CPQ: variants seen among roughly 807,000 people sequenced by gnomAD.
The protein encoded by CPQ is Ser-Met dipeptidase.
Under a neutral mutation model 45.7 loss-of-function variants are expected in CPQ, and 37 were observed. The observed-to-expected ratio is 0.81, with a 90% CI of 0.62 to 1.07. The LOEUF (loss-of-function observed/expected upper bound fraction) is 1.07, where lower values mean the gene tolerates loss of function less well. Among genes scored for constraint, CPQ ranks in the 50% least tolerant of loss-of-function variants. The pLI is 0.00. For missense variants in CPQ, 537 were observed against 572.9 expected, an observed-to-expected ratio of 0.94 and a Z score of 0.64; for synonymous variants, 186 against 205.8, an observed-to-expected ratio of 0.90 and a Z score of 0.82.
chr8:96,762,329 C>T (rs4604403), intron 1 of CPQ, among the ~76,000 whole-genome samples: 95,530 of 151,936 alleles, frequency 0.63, 30,588 homozygotes, highest in East Asian at 0.88. Context: ...GAAGTTATGA[C>T]ATGGACCACC....
chr8:97,020,950 G>C (rs1809668511), intron 5 of CPQ, among the ~76,000 whole-genome samples: 1 of 152,120 alleles, frequency 6.6e-6, no homozygotes, highest in Admixed American at 6.6e-5. Flanking sequence ...TATCCCTGGT[G>C]AATATAGATG....
chr8:96,962,853 A>G (rs1243155521), intron 4 of CPQ, among the ~76,000 whole-genome samples: 1 of 152,174 alleles, frequency 6.6e-6, no homozygotes, highest in Non-Finnish European at 1.5e-5. Flanking sequence ...TTTTAAATCA[A>G]TAGATATTAA....
intron 1 of CPQ, among the ~76,000 whole-genome samples, chr8:96,681,352 C>G (rs899900979): frequency 6.6e-6 from 1 of 152,172 alleles, no homozygotes; most frequent in Non-Finnish European, 1.5e-5. Flanking sequence ...TTCAGCAGCT[C>G]CAGCCATGGC....
intron 5 of CPQ, among the ~76,000 whole-genome samples, chr8:96,998,520 TAGAGA>T (rs1170899176): frequency 3.9e-5 from 6 of 151,940 alleles, no homozygotes; most frequent in Non-Finnish European, 8.8e-5. Context: ...TGGGAGAAAA[TAGAGA>T]AAATTGCTGA....
intron 3 of CPQ, among the ~76,000 whole-genome samples, chr8:96,848,807 TGTCTA>T (rs1321109362): frequency 1.3e-5 from 2 of 152,214 alleles, no homozygotes; most frequent in Non-Finnish European, 2.9e-5. Context: ...TTTAGTTTGC[TGTCTA>T]GATCCTCGTT....
intron 2 of CPQ, among the ~76,000 whole-genome samples, chr8:96,826,604 G>T (rs1224435392): frequency 6.6e-6 from 1 of 151,904 alleles, no homozygotes; most frequent in Admixed American, 6.6e-5. Flanking sequence ...TGAGGGCAAT[G>T]ATCTCTCTTT....
At chr8:96,846,980 G>A (rs931252594) in intron 3 of CPQ, among the ~76,000 whole-genome samples, 1 of 152,120 alleles carries the variant, frequency 6.6e-6, no homozygotes, top group Admixed American at 6.5e-5. Flanking sequence ...CTCTCAGTTT[G>A]GAGTTGTTCC....
chr8:97,002,641 G>A (rs951589246), intron 5 of CPQ, among the ~76,000 whole-genome samples: 10 of 151,930 alleles, frequency 6.6e-5, no homozygotes, highest in Non-Finnish European at 8.8e-5. Context: ...TAATATTTCC[G>A]TTCTTTTACA....
chr8:96,726,590 A>G lies in CPQ; in HGVS notation c.-34-58274A>G, dbSNP rs34721004. 4.1e-3 allele frequency among the ~76,000 whole-genome samples: 629 copies of G among 152,222 alleles called. 2 individuals carry two copies. Among genetic ancestry groups the G allele is most frequent in the Non-Finnish European group, 6.1e-3 (414 of 68,008 alleles). ...GGTGCTACACACTCTTAAATGACCC[A>G]TGAGAACTCACTCACTATCTTAAGG... On this transcript the variant is annotated intron_variant, in intron 1 of 7. Coordinates refer to ENST00000220763, the MANE Select transcript of CPQ (RefSeq NM_016134.4).
At chr8:97,127,933 G>C (rs1051727806) in intron 7 of CPQ, among the ~76,000 whole-genome samples, 3 of 152,202 alleles carry the variant, frequency 2.0e-5, no homozygotes, top group Admixed American at 6.5e-5. Flanking sequence ...CCCGAGACGG[G>C]GGTGGGAAGG....
chr8:97,079,170 A>G (rs1204797356), intron 7 of CPQ, among the ~76,000 whole-genome samples: 1 of 152,026 alleles, frequency 6.6e-6, no homozygotes, highest in Admixed American at 6.6e-5. Flanking sequence ...CTTATTTTCT[A>G]ATTTTTCTTT....
chr8:96,783,991 A>C (rs570591764), intron 1 of CPQ, among the ~76,000 whole-genome samples: 3 of 152,134 alleles, frequency 2.0e-5, no homozygotes, highest in Non-Finnish European at 4.4e-5. Flanking sequence ...CTCTAGAGCT[A>C]GAAAGCCTTT....
intron 7 of CPQ, among the ~76,000 whole-genome samples, chr8:97,094,313 T>C (rs899010291): frequency 6.6e-6 from 1 of 152,188 alleles, no homozygotes; most frequent in African/African-American, 2.4e-5. Context: ...CTCAAATGAT[T>C]TGCAGGTTTG....
Position 97,029,384 on chromosome 8 carries a change from T to A in CPQ, c.962-19T>A, listed in dbSNP as rs1337005972. 1.4e-5 allele frequency: 22 copies of A among 1,564,458 alleles called. No homozygotes were observed. Among genetic ancestry groups the A allele is most frequent in the Non-Finnish European group, 1.7e-5 (20 of 1,152,608 alleles). ...AAAATCAACTAAAGTATCACTTTTT[T>A]ATTTTATTATTTTCCCAGGGCTGCG... On this transcript the variant is annotated intron_variant, in intron 5 of 7. Coordinates refer to ENST00000220763, the MANE Select transcript of CPQ (RefSeq NM_016134.4).
intron 7 of CPQ, among the ~76,000 whole-genome samples, chr8:97,142,255 G>T (rs565990377): frequency 6.6e-6 from 1 of 152,310 alleles, no homozygotes; most frequent in Non-Finnish European, 1.5e-5. Context: ...ACTGAAACTA[G>T]AATCCATAAG....
chr8:96,670,197 C>A (rs565897756), intron 1 of CPQ, among the ~76,000 whole-genome samples: 1 of 152,016 alleles, frequency 6.6e-6, no homozygotes, highest in Admixed American at 6.6e-5. Flanking sequence ...ATATCAAAAC[C>A]GTGGCACTAA....
At chr8:97,124,057 C>T (rs1466615549) in intron 7 of CPQ, among the ~76,000 whole-genome samples, 1 of 151,792 alleles carries the variant, frequency 6.6e-6, no homozygotes, top group East Asian at 1.9e-4. Context: ...AACCCCATCT[C>T]TACTAAAGAA....
intron 2 of CPQ, among the ~76,000 whole-genome samples, chr8:96,815,874 C>G (rs575144317): frequency 2.0e-5 from 3 of 152,192 alleles, no homozygotes; most frequent in South Asian, 2.1e-4. Flanking sequence ...AATGTACATA[C>G]TTTAATTTAT....
chr8:97,123,845 G>A (rs867498686), intron 7 of CPQ, among the ~76,000 whole-genome samples: 2 of 152,128 alleles, frequency 1.3e-5, no homozygotes, highest in Non-Finnish European at 2.9e-5. Flanking sequence ...TTCTGTATAC[G>A]TGAAGGCTGT....
Sources: allele counts gnomAD v4.1 joint callset (sites outside exome capture counted in the v4.1 genomes callset), GRCh38; gene constraint gnomAD v4.1.1; transcripts MANE v1.5; gene names NCBI Gene and HGNC (gene_info 2026-07-23, HGNC 2026-07-21).